VPS8: variants seen among roughly 807,000 people sequenced by gnomAD.
VPS8 encodes the protein vacuolar protein sorting-associated protein 8 homolog.
Under a neutral mutation model 216.4 loss-of-function variants are expected in VPS8, and 129 were observed. That is an observed-to-expected ratio of 0.60 (90% CI 0.52 to 0.69). VPS8 has a LOEUF of 0.69. Ranked by LOEUF, VPS8 falls within the 30% of genes least tolerant of loss-of-function variation. The pLI is 0.00. For missense variants in VPS8, 1,531 were observed against 1,683.5 expected (o/e 0.91, Z 1.59); for synonymous variants, 571 against 565.4 (o/e 1.01, Z -0.14).
At chr3:184,927,945 C>T (rs1455142376) in intron 31 of VPS8, among the ~76,000 whole-genome samples, 2 of 152,176 alleles carry the variant, frequency 1.3e-5, no homozygotes, top group African/African-American at 2.4e-5. Flanking sequence ...GCATATACTA[C>T]ATTTTGTTTA....
chr3:184,950,536 A>G (rs981635052), intron 36 of VPS8, among the ~76,000 whole-genome samples: 2 of 151,816 alleles, frequency 1.3e-5, no homozygotes, highest in African/African-American at 4.8e-5. Context: ...ATTCCAACGC[A>G]ATGTTTATTT....
At position 184,996,491 on chromosome 3, in the gene VPS8, A is replaced by G. The variant is rs754996312; in HGVS notation, c.3826A>G (p.Ile1276Val). 13 of 1,605,172 alleles carry G rather than the reference A, an allele frequency of 8.1e-6. No homozygotes were observed. In the African/African-American group the frequency reaches 1.2e-4, roughly 15 times the overall value. Residue 1276 changes from isoleucine (I) to valine (V), a missense_variant, in exon 44 of 48, where the codon ATT becomes GTT. Physicochemically the swap from Ile to Val is conservative, Grantham distance 29 (BLOSUM62 3). Transcript: ENST00000625842. ...ACGCCAAGAAATGGCTGATGAAATA[A>G]TTGTCTTTAGGTAAGAAAGGGAAGG... The part of the protein sequence containing the change: ...KRRQEMADEI[I>V]VFSCGHLYHS...
chr3:184,983,951 G>A (rs1373258688), intron 42 of VPS8, among the ~76,000 whole-genome samples: 2 of 151,568 alleles, frequency 1.3e-5, no homozygotes, highest in East Asian at 2.0e-4. Flanking sequence ...TTGGGAAGCC[G>A]AGGCGGGCGG....
intron 21 of VPS8, chr3:184,882,416 AC>A (rs1232127520): frequency 2.2e-6 from 1 of 454,332 alleles, no homozygotes; most frequent in Non-Finnish European, 4.4e-6. Context: ...CCTGGAATAA[AC>A]CTCACTTGGT....
intron 14 of VPS8, among the ~76,000 whole-genome samples, chr3:184,858,124 A>T (rs1277578597): frequency 6.6e-6 from 1 of 152,210 alleles, no homozygotes; most frequent in African/African-American, 2.4e-5. Flanking sequence ...CATGAATTTC[A>T]GGTGGTCGGG....
chr3:184,900,729 A>G (rs529142379), intron 24 of VPS8, among the ~76,000 whole-genome samples, 192 bp from the exon 25 acceptor site: 3 of 152,332 alleles, frequency 2.0e-5, no homozygotes, highest in Non-Finnish European at 4.4e-5. Context: ...TCGGTGAGGA[A>G]TATGACAACA....
At chr3:185,031,437 A>G (rs1192811947) in intron 46 of VPS8, among the ~76,000 whole-genome samples, 2 of 152,164 alleles carry the variant, frequency 1.3e-5, no homozygotes, top group Admixed American at 1.3e-4. Flanking sequence ...CCTCTACTGA[A>G]CACCACCCCC....
At chr3:184,979,799 G>T (rs1444634186) in intron 40 of VPS8, among the ~76,000 whole-genome samples, 1 of 152,098 alleles carries the variant, frequency 6.6e-6, no homozygotes, top group Non-Finnish European at 1.5e-5. Flanking sequence ...GCCTGTTTAT[G>T]TTCAAGGATA....
chr3:185,041,090 A>G (rs1482326784), intron 46 of VPS8, among the ~76,000 whole-genome samples: 1 of 152,078 alleles, frequency 6.6e-6, no homozygotes, highest in Non-Finnish European at 1.5e-5. Flanking sequence ...CTGTAATCCC[A>G]GCTATTCGGG....
At chr3:184,920,724 G>A (rs966793097) in intron 29 of VPS8, among the ~76,000 whole-genome samples, 5 of 152,186 alleles carry the variant, frequency 3.3e-5, no homozygotes, top group African/African-American at 1.2e-4. Context: ...GCAGGGAAAG[G>A]TTCTTTGCTT....
chr3:184,877,492 C>T (rs1035579843), intron 21 of VPS8, among the ~76,000 whole-genome samples: 4 of 152,172 alleles, frequency 2.6e-5, no homozygotes, highest in Non-Finnish European at 5.9e-5. Flanking sequence ...GTATTTGCAA[C>T]ACATATGTCA....
chr3:184,926,777 A>G lies in VPS8; in HGVS notation c.2631+127A>G, dbSNP rs937411381. The G allele has an allele frequency of 1.0e-5, 9 of 899,698 alleles. No homozygotes were observed. The African/African-American group carries it at 1.5e-4, about 15-fold the overall frequency. The allele number at this position is 899,698 out of a possible 1,614,324, so 55.7% of individuals were successfully genotyped here. On this transcript the variant is annotated intron_variant, in intron 31 of 47. Coordinates refer to ENST00000625842, the MANE Select transcript of VPS8 (RefSeq NM_001009921.3). ...TTGTGCCAAACCCTAATACGAAGTT[A>G]GAGTCAGTGGGAACCAGAAAATAGA... is the stretch of plus-strand genomic sequence containing the variant.
chr3:185,035,246 C>T (rs57535387), intron 46 of VPS8, among the ~76,000 whole-genome samples: 12,691 of 152,104 alleles, frequency 0.083, 1,220 homozygotes, highest in African/African-American at 0.23. Flanking sequence ...GACTCCTCCT[C>T]AACTCATTCC....
chr3:185,000,965 T>A (rs1252083014), intron 45 of VPS8, among the ~76,000 whole-genome samples: 1 of 152,208 alleles, frequency 6.6e-6, no homozygotes, highest in Non-Finnish European at 1.5e-5. Flanking sequence ...GAAAACCTCC[T>A]GACTAACTTC....
In VPS8 at chr3:185,024,373, A is replaced by G. The variant is rs111578837; in HGVS notation, c.4040A>G (p.Asp1347Gly). The G allele has an allele frequency of 1.2e-3, 1,852 of 1,598,520 alleles. 3 individuals are homozygous for G. The highest frequency in any genetic ancestry group is 1.5e-3 in the Non-Finnish European group (1,747 of 1,171,828). ...MSPSYHQSKG[D>G]PTAKKGTSEP... ...CCATCGTATCATCAGTCCAAAGGGG[A>G]TCCCACTGCTAAAAAGGTGAGTTTG... Residue 1347 changes from aspartate (D) to glycine (G), a missense_variant, in exon 46 of 48, where the codon GAT becomes GGT. By Grantham distance (94) the Asp-to-Gly change is moderately conservative. Transcript: ENST00000625842.
chr3:184,970,252 A>G (rs1748190970), intron 39 of VPS8, among the ~76,000 whole-genome samples: 1 of 152,032 alleles, frequency 6.6e-6, no homozygotes, highest in African/African-American at 2.4e-5. Flanking sequence ...GTGCTTAAGT[A>G]TTTGGGAGGA....
chr3:184,942,490 G>A (rs2109337985), intron 36 of VPS8, among the ~76,000 whole-genome samples: 1 of 152,258 alleles, frequency 6.6e-6, no homozygotes, highest in Middle Eastern at 3.4e-3. Context: ...AAAGTGACAT[G>A]ACCAGGAATG....
intron 46 of VPS8, among the ~76,000 whole-genome samples, chr3:185,031,673 G>A (rs1195983820): frequency 1.3e-5 from 2 of 152,184 alleles, no homozygotes; most frequent in African/African-American, 4.8e-5. Context: ...TATGTGAATG[G>A]AGATGTCAGC....
chr3:184,848,864 C>T (rs903056804), intron 8 of VPS8, among the ~76,000 whole-genome samples: 2 of 151,974 alleles, frequency 1.3e-5, no homozygotes, highest in East Asian at 1.9e-4. Flanking sequence ...CCACCGCACC[C>T]GGCCTTTTTT....
Sources: allele counts gnomAD v4.1 joint callset (sites outside exome capture counted in the v4.1 genomes callset), GRCh38; gene constraint gnomAD v4.1.1; transcripts MANE v1.5; gene names NCBI Gene and HGNC (gene_info 2026-07-23, HGNC 2026-07-21).